DLGAP1: variants seen among roughly 807,000 people sequenced by gnomAD.
The protein encoded by DLGAP1 is disks large-associated protein 1.
In DLGAP1, 11 loss-of-function variants were observed where a neutral mutation model predicts 90.8. That is an observed-to-expected ratio of 0.12 (90% confidence interval 0.08 to 0.20). The LOEUF is 0.20. Among genes scored for constraint, DLGAP1 ranks in the 10% least tolerant of loss-of-function variants. DLGAP1 has a pLI of 1.00. For synonymous variants in DLGAP1, 558 were observed against 540.7 expected, an observed-to-expected ratio of 1.03 and a Z score of -0.44; for missense variants, 1,050 against 1,333.8, an observed-to-expected ratio of 0.79 and a Z score of 3.31.
intron 1 of DLGAP1, chr18:4,294,942 CTCT>C (rs2079939942): frequency 1.3e-5 from 2 of 152,476 alleles, no homozygotes; most frequent in Middle Eastern, 3.4e-3. Context: ...AACAGTCCTT[CTCT>C]TCTTTCCTCT....
chr18:4,401,858 T>C (rs549190747), intron 1 of DLGAP1, among the ~76,000 whole-genome samples: 16 of 152,350 alleles, frequency 1.1e-4, no homozygotes, highest in African/African-American at 3.8e-4. Context: ...TCACCATGCA[T>C]GCTTTAAAAT....
rs1384608833 is a variant in DLGAP1 at position 4,454,360 on chromosome 18, C to T, written c.-267+646G>A. 1.3e-5 allele frequency among the ~76,000 whole-genome samples: 2 copies of T among 152,060 alleles called. No homozygotes were observed. The highest frequency in any genetic ancestry group is 4.8e-5 in the African/African-American group (2 of 41,416). ...CGATTCTCCGGGAATTGGCCTTGGC[C>T]GCGGGCAGGGGGCGACTCTCCAGTG... On this transcript the variant is annotated intron_variant, in intron 1 of 12. Coordinates refer to ENST00000315677, the MANE Select transcript of DLGAP1 (RefSeq NM_004746.4). This position sits in a 1 kb window ranked among gnomAD's most constrained non-coding sequence, Gnocchi z 4.7.
chr18:3,884,301 A>T (rs1347515458), intron 3 of DLGAP1, among the ~76,000 whole-genome samples: 1 of 152,230 alleles, frequency 6.6e-6, no homozygotes, highest in African/African-American at 2.4e-5. Flanking sequence ...ACTTATAAAA[A>T]GCAAAAACAA....
intron 3 of DLGAP1, among the ~76,000 whole-genome samples, chr18:3,958,305 G>A (rs2073123005): frequency 6.6e-6 from 1 of 152,046 alleles, no homozygotes. Context: ...GTGAGCCAGT[G>A]CACTTGGCCT....
intron 2 of DLGAP1, among the ~76,000 whole-genome samples, chr18:4,119,723 G>A (rs1026719657): frequency 6.6e-6 from 1 of 152,154 alleles, no homozygotes; most frequent in Non-Finnish European, 1.5e-5. Flanking sequence ...CTTATTTTAT[G>A]TCTGGAGTAG....
At chr18:4,164,201 C>T (rs1028681338) in intron 1 of DLGAP1, among the ~76,000 whole-genome samples, 1 of 151,904 alleles carries the variant, frequency 6.6e-6, no homozygotes, top group African/African-American at 2.4e-5. Flanking sequence ...ACCCAGAGTC[C>T]CTAATTTAAC....
At chr18:3,887,003 G>A (rs937465980) in intron 3 of DLGAP1, among the ~76,000 whole-genome samples, 1 of 152,210 alleles carries the variant, frequency 6.6e-6, no homozygotes, top group African/African-American at 2.4e-5. Flanking sequence ...CTACAGCGGA[G>A]TGCCATATCC....
Position 3,902,300 on chromosome 18 carries a change from A to AAT in DLGAP1, c.-72-22162_-72-22161dup, listed in dbSNP as rs553641146. On this transcript the variant is annotated intron_variant, in intron 3 of 12. Coordinates refer to ENST00000315677, the MANE Select transcript of DLGAP1 (RefSeq NM_004746.4). ...TAATTTTATCCCAAATGGCAAGGCA[A>AAT]ATGGAAGTAATATCGAGTTGCTTTT... Among the ~76,000 whole-genome samples, 21 of 152,286 alleles carry AAT rather than the reference A, an allele frequency of 1.4e-4. No homozygotes were observed. The East Asian group carries it at 2.5e-3, about 18-fold the overall frequency.
At chr18:3,638,032 C>T (rs1390055970) in intron 7 of DLGAP1, among the ~76,000 whole-genome samples, 2 of 149,552 alleles carry the variant, frequency 1.3e-5, no homozygotes, top group Non-Finnish European at 3.0e-5. Flanking sequence ...CTGCAAGCTC[C>T]GCCTCCCGGG....
At chr18:3,600,827 GATATATATAGAT>G (rs2056910187) in intron 7 of DLGAP1, among the ~76,000 whole-genome samples, 2 of 12,204 alleles carry the variant, frequency 1.6e-4, no homozygotes, top group African/African-American at 7.7e-4. Flanking sequence ...TAGATATATA[GATATATATAGAT>G]ATATATAGAT....
chr18:4,021,231 T>C (rs112484142), intron 2 of DLGAP1, among the ~76,000 whole-genome samples: 3,761 of 152,272 alleles, frequency 0.025, 144 homozygotes, highest in African/African-American at 0.083. Flanking sequence ...ATCGGCTCTG[T>C]CTAGGCAGCA....
chr18:3,985,777 G>A (rs1251631127), intron 3 of DLGAP1, among the ~76,000 whole-genome samples: 1 of 152,040 alleles, frequency 6.6e-6, no homozygotes, highest in Non-Finnish European at 1.5e-5. Context: ...ACCCCAGTAT[G>A]AGTCATTTGC....
At chr18:4,288,836 G>C (rs550988011) in intron 1 of DLGAP1, among the ~76,000 whole-genome samples, 1 of 152,196 alleles carries the variant, frequency 6.6e-6, no homozygotes, top group African/African-American at 2.4e-5. Flanking sequence ...ATTGGGATTT[G>C]ATTCGCATAA....
intron 3 of DLGAP1, among the ~76,000 whole-genome samples, chr18:3,944,812 A>G (rs889824835): frequency 6.6e-6 from 1 of 152,200 alleles, no homozygotes; most frequent in Non-Finnish European, 1.5e-5. Context: ...GGTGGATGGA[A>G]GGACATACCT....
At chr18:4,088,229 T>G (rs527312105) in intron 2 of DLGAP1, among the ~76,000 whole-genome samples, 16 of 152,140 alleles carry the variant, frequency 1.1e-4, no homozygotes, top group Non-Finnish European at 1.6e-4. Flanking sequence ...GCTTTATATA[T>G]AAGGTAGGAG....
At chr18:3,874,784 A>T in intron 4 of DLGAP1, 1 of 1,395,192 alleles carries the variant, frequency 7.2e-7, no homozygotes, top group Non-Finnish European at 9.3e-7. Flanking sequence ...CTGATTCTTG[A>T]CATTTAAAAA....
intron 1 of DLGAP1, among the ~76,000 whole-genome samples, chr18:4,438,839 T>C (rs1482680061): frequency 6.6e-6 from 1 of 152,146 alleles, no homozygotes; most frequent in Non-Finnish European, 1.5e-5. Flanking sequence ...GCCTCTCTCA[T>C]GGGAAACTTA....
At chr18:3,830,780 C>T (rs1486835705) in intron 4 of DLGAP1, among the ~76,000 whole-genome samples, 7 of 152,168 alleles carry the variant, frequency 4.6e-5, no homozygotes, top group Admixed American at 2.6e-4. Context: ...ATCAGTCTCA[C>T]CCACCAATCT....
At chr18:3,652,672 C>T (rs922317388) in intron 7 of DLGAP1, among the ~76,000 whole-genome samples, 1 of 152,164 alleles carries the variant, frequency 6.6e-6, no homozygotes, top group Non-Finnish European at 1.5e-5. Flanking sequence ...CAGAGAGGCT[C>T]ATCTGTTCCT....
Sources: allele counts gnomAD v4.1 joint callset (sites outside exome capture counted in the v4.1 genomes callset), GRCh38; gene constraint gnomAD v4.1.1; non-coding constraint Gnocchi (gnomAD v3.1); transcripts MANE v1.5; gene names NCBI Gene and HGNC (gene_info 2026-07-23, HGNC 2026-07-21).